SLC30A6: variants seen among roughly 807,000 people sequenced by gnomAD.
SLC30A6 encodes the protein solute carrier family 30 member 6.
A neutral mutation model predicts 63.0 loss-of-function variants in SLC30A6; 55 were observed. The ratio of observed to expected loss-of-function variants is 0.87; its 90% CI spans 0.70 to 1.09. The LOEUF (loss-of-function observed/expected upper bound fraction) is 1.09, where lower values mean the gene tolerates loss of function less well. SLC30A6 is among the 50% of genes least tolerant of loss of function. The pLI is 0.00. For synonymous variants in SLC30A6, 224 were observed against 186.1 expected (o/e 1.20, Z -1.66); for missense variants, 587 against 549.2 (o/e 1.07, Z -0.69).
At chr2:32,219,601 A>G (rs1350888331) in intron 13 of SLC30A6, among the ~76,000 whole-genome samples, 1 of 151,098 alleles carries the variant, frequency 6.6e-6, no homozygotes, top group Non-Finnish European at 1.5e-5. Flanking sequence ...TGCCTGGCTA[A>G]TTTTTTGTAT....
Position 32,220,354 on chromosome 2 carries a change from T to C in SLC30A6, c.1027T>C (p.Ser343Pro). The C allele has an allele frequency of 6.2e-7, 1 of 1,614,222 alleles. No homozygotes were observed. Among genetic ancestry groups the C allele is most frequent in the Non-Finnish European group, 8.5e-7 (1 of 1,180,034 alleles). Residue 343 changes from serine to proline, a missense_variant, in exon 14 of 14, where the codon TCT becomes CCT. Coordinates refer to ENST00000282587, the MANE Select transcript of SLC30A6 (RefSeq NM_017964.5). ...TGACTGGATTAGGCCTGCCTTATTGTCTGGGCCTGTTGCAGCCAATGTCCT... is the reference window on the plus strand; with the variant it reads ...TGACTGGATTAGGCCTGCCTTATTGCCTGGGCCTGTTGCAGCCAATGTCCT... ...KDDWIRPALLSGPVAANVLNF... is the reference protein window; with the variant it reads ...KDDWIRPALLPGPVAANVLNF...
chr2:32,185,705 A>T (rs1019349256), intron 5 of SLC30A6, among the ~76,000 whole-genome samples: 40 of 152,114 alleles, frequency 2.6e-4, no homozygotes, highest in Admixed American at 5.2e-4. Context: ...ATGAATTTTT[A>T]AAAAATATTA....
intron 5 of SLC30A6, 85 bp downstream of exon 5, chr2:32,184,423 T>G: frequency 1.4e-6 from 1 of 739,886 alleles, no homozygotes; most frequent in Non-Finnish European, 2.0e-6. Context: ...AGCTAGAGTA[T>G]TTCTGGAAAA....
intron 10 of SLC30A6, chr2:32,202,465 G>A: frequency 3.8e-6 from 1 of 263,614 alleles, no homozygotes; most frequent in Non-Finnish European, 7.3e-6. Context: ...AAGTAGCTGG[G>A]ACTACAGGCA....
At chr2:32,212,853 C>G (rs1685367392) in intron 13 of SLC30A6, among the ~76,000 whole-genome samples, 1 of 150,330 alleles carries the variant, frequency 6.7e-6, no homozygotes, top group Non-Finnish European at 1.5e-5. Flanking sequence ...TCTTGGCCTC[C>G]CAAAGTGCTA....
intron 5 of SLC30A6, among the ~76,000 whole-genome samples, chr2:32,186,468 C>T (rs887893209): frequency 1.3e-5 from 2 of 152,098 alleles, no homozygotes; most frequent in Non-Finnish European, 2.9e-5. Flanking sequence ...GGTGGATCAC[C>T]TGAGGTCAGG....
intron 13 of SLC30A6, among the ~76,000 whole-genome samples, chr2:32,217,608 T>C (rs1232939980): frequency 1.3e-5 from 2 of 152,162 alleles, no homozygotes; most frequent in East Asian, 1.9e-4. Context: ...AAAATGACAT[T>C]GGTAGTTTGA....
rs181349883 is a variant in SLC30A6, at chr2:32,184,690, A to G, written c.284+352A>G. Among the ~76,000 whole-genome samples, 588 of 152,252 alleles carry G rather than the reference A, an allele frequency of 3.9e-3. 4 individuals are homozygous for G. Among genetic ancestry groups the G allele is most frequent in the African/African-American group, 0.013 (529 of 41,538 alleles). ...TGAGACAGGAGAATCGCTGGAACCCAGGAGACGGAGGTTGCAGTGAGCCGA... is the reference window on the plus strand; with the variant it reads ...TGAGACAGGAGAATCGCTGGAACCCGGGAGACGGAGGTTGCAGTGAGCCGA... On this transcript the variant is annotated intron_variant, in intron 5 of 13. Transcript: ENST00000282587.
chr2:32,194,556 C>G (rs1296912743), intron 8 of SLC30A6, among the ~76,000 whole-genome samples: 3 of 152,006 alleles, frequency 2.0e-5, no homozygotes, highest in Non-Finnish European at 4.4e-5. Flanking sequence ...TTTTGGAATC[C>G]CACTAACCCA....
At chr2:32,181,933 CTTT>C (rs34589397) in intron 4 of SLC30A6, among the ~76,000 whole-genome samples, 6 of 122,908 alleles carry the variant, frequency 4.9e-5, no homozygotes, top group Admixed American at 8.4e-5. Context: ...TTTTTCTTTT[CTTT>C]TTTTTTTTTT....
At chr2:32,215,053 T>C (rs567098542) in intron 13 of SLC30A6, among the ~76,000 whole-genome samples, 2 of 152,362 alleles carry the variant, frequency 1.3e-5, no homozygotes, top group Admixed American at 1.3e-4. Flanking sequence ...GTATTTCAAG[T>C]CATAGATTCA....
Position 32,220,892 on chromosome 2 carries a change from A to G in SLC30A6, c.*179A>G, listed in dbSNP as rs899615411. On this transcript the variant is annotated 3_prime_UTR_variant, in exon 14 of 14. Transcript: ENST00000282587. ...TGTAAAATGTATTTGTGACAGTGAA[A>G]TCCTCGTAAATGTTAAAGGCTTTAA... The G allele has an allele frequency of 7.5e-5, 45 of 599,098 alleles. No homozygotes were observed. Among genetic ancestry groups the G allele is most frequent in the Non-Finnish European group, 9.0e-5 (32 of 355,826 alleles). 37.1% of individuals were successfully genotyped at this position (599,098 alleles called of 1,614,324 possible).
intron 2 of SLC30A6, among the ~76,000 whole-genome samples, chr2:32,172,764 T>C (rs1452241366): frequency 1.3e-5 from 2 of 152,196 alleles, no homozygotes. Flanking sequence ...TTTCCTTTGT[T>C]CATTCAATTT....
chr2:32,187,032 TGAG>T, intron 5 of SLC30A6: 1 of 270,608 alleles, frequency 3.7e-6, no homozygotes, highest in Middle Eastern at 4.7e-4. Flanking sequence ...AAAAGAAAAA[TGAG>T]TTCGGGGGAA....
At chr2:32,176,322 C>T (rs190670419) in intron 4 of SLC30A6, among the ~76,000 whole-genome samples, 2 of 152,136 alleles carry the variant, frequency 1.3e-5, no homozygotes, top group East Asian at 1.9e-4. Context: ...ATACCTGTGT[C>T]GCTGAGTGTA....
At position 32,168,256 on chromosome 2, in the gene SLC30A6, C is replaced by G. The variant is rs958102822; in HGVS notation, c.3+2353C>G. On this transcript the variant is annotated intron_variant, in intron 1 of 13. Transcript: ENST00000282587. ...GTCTGTTTTATAAAGCACTGAAAAC[C>G]TATGGCACTATATCTTTATGCTTGA... Among the ~76,000 whole-genome samples the G allele has an allele frequency of 2.7e-5, 4 of 147,534 alleles. No individual in the cohort carries two copies. In the South Asian group the frequency reaches 9.0e-4, roughly 33 times the overall value.
At chr2:32,168,692 A>C (rs181940860) in intron 1 of SLC30A6, among the ~76,000 whole-genome samples, 1 of 152,298 alleles carries the variant, frequency 6.6e-6, no homozygotes, top group Admixed American at 6.5e-5. Flanking sequence ...TATATGAATA[A>C]GAGCTTGGGT....
intron 13 of SLC30A6, among the ~76,000 whole-genome samples, chr2:32,219,542 C>T (rs994978014): frequency 6.6e-6 from 1 of 152,116 alleles, no homozygotes; most frequent in Non-Finnish European, 1.5e-5. Flanking sequence ...TCAAGCTGTT[C>T]TCCTGCCTCG....
intron 8 of SLC30A6, among the ~76,000 whole-genome samples, chr2:32,194,923 T>C (rs1683645183): frequency 6.6e-6 from 1 of 152,196 alleles, no homozygotes; most frequent in Non-Finnish European, 1.5e-5. Context: ...TTAGAAACAC[T>C]GTTTCCCTGT....
Sources: allele counts gnomAD v4.1 joint callset (sites outside exome capture counted in the v4.1 genomes callset), GRCh38; gene constraint gnomAD v4.1.1; transcripts MANE v1.5; gene names NCBI Gene and HGNC (gene_info 2026-07-23, HGNC 2026-07-21).